The following ATG7 variants were observed in gnomAD, a reference collection of about 807,000 sequenced individuals.
ATG7 encodes the protein ubiquitin-like modifier-activating enzyme ATG7.
ATG7 carries 70 observed loss-of-function variants against 82.4 expected under a neutral mutation model. That is an observed-to-expected ratio of 0.85 (90% CI 0.70 to 1.04). The LOEUF is 1.04. Among genes scored for constraint, ATG7 ranks in the 50% least tolerant of loss-of-function variants. The pLI is 0.00. For missense variants in ATG7, 792 were observed against 864.3 expected (o/e 0.92, Z 1.05); for synonymous variants, 287 against 313.0 (o/e 0.92, Z 0.88).
In ATG7 at chr3:11,418,987, G is replaced by A. The variant is rs114614306; in HGVS notation, c.1957-7817G>A. On this transcript the variant is annotated intron_variant, in intron 19 of 20. Transcript: ENST00000693202. ...GCCCCTCCCCCCCGATCCAGTCACC[G>A]CCCACCAGGTCCCTCCCCTGACATG... Among the ~76,000 whole-genome samples the A allele has an allele frequency of 1.3e-3, 194 of 151,634 alleles. 1 individual carries two copies. In the East Asian group the frequency reaches 0.022, roughly 17 times the overall value.
At chr3:11,558,028 G>C (rs1394822456), downstream of ATG7, 1 of 156,604 alleles carries the variant, frequency 6.4e-6, no homozygotes, top group Non-Finnish European at 1.4e-5. Flanking sequence ...CAGAGTTCTG[G>C]CATAACACAT....
At chr3:11,479,730 A>G (rs985217823) in intron 20 of ATG7, among the ~76,000 whole-genome samples, 1 of 152,240 alleles carries the variant, frequency 6.6e-6, no homozygotes, top group Non-Finnish European at 1.5e-5. Flanking sequence ...AAAGGGAGAC[A>G]TGCCATTGGT....
chr3:11,572,522 CCCT>C, the ATG7 span, among the ~76,000 whole-genome samples: 118 of 152,318 alleles, frequency 7.7e-4, no homozygotes, highest in Non-Finnish European at 1.3e-3. Flanking sequence ...CTGCTCCAGG[CCCT>C]CCTCAGTCCC....
At chr3:11,396,118 G>GA (rs1553641953) in intron 19 of ATG7, among the ~76,000 whole-genome samples, 231 of 144,426 alleles carry the variant, frequency 1.6e-3, no homozygotes, top group Middle Eastern at 3.6e-3. Context: ...AGAAGTATAG[G>GA]AAAAAAAAAA....
chr3:11,451,458 G>A (rs1017052046), intron 20 of ATG7, among the ~76,000 whole-genome samples: 4 of 152,044 alleles, frequency 2.6e-5, no homozygotes, highest in Admixed American at 2.0e-4. Context: ...TGATCCACCC[G>A]ACTTGGCCTC....
At chr3:11,320,433 A>T (rs7629321) in intron 9 of ATG7, among the ~76,000 whole-genome samples, 4,013 of 152,094 alleles carry the variant, frequency 0.026, 184 homozygotes, top group African/African-American at 0.092. Flanking sequence ...GATTACAGGC[A>T]TACGCCACCA....
chr3:11,527,131 G>A lies in ATG7; in HGVS notation c.2080-27680G>A, dbSNP rs528670801. ...TATACACACATTTTTTTGAGGTGGA[G>A]TCTCACTCTGTTGTCCAGGCTGGAG... On this transcript the variant is annotated intron_variant, in intron 20 of 20. Coordinates refer to ENST00000693202, the MANE Select transcript of ATG7 (RefSeq NM_001349232.2). 1.2e-4 allele frequency among the ~76,000 whole-genome samples: 18 copies of A among 150,466 alleles called. 1 individual carries two copies. The highest frequency in any genetic ancestry group is 4.1e-4 in the African/African-American group (17 of 41,024).
chr3:11,407,838 C>T (rs1485772124), intron 19 of ATG7, among the ~76,000 whole-genome samples: 1 of 152,150 alleles, frequency 6.6e-6, no homozygotes, highest in Non-Finnish European at 1.5e-5. Context: ...GGACCCTGGG[C>T]TCAGCCCTTG....
intron 19 of ATG7, among the ~76,000 whole-genome samples, chr3:11,383,879 T>C (rs1395242405): frequency 6.6e-6 from 1 of 152,214 alleles, no homozygotes; most frequent in Non-Finnish European, 1.5e-5. Flanking sequence ...AGTTCTTTTT[T>C]TCCTAGGTAA....
chr3:11,541,011 T>C (rs1278665759), intron 20 of ATG7, among the ~76,000 whole-genome samples: 1 of 151,216 alleles, frequency 6.6e-6, no homozygotes, highest in Non-Finnish European at 1.5e-5. Context: ...GCCATTCTCC[T>C]GCCTCAGCCT....
Position 11,325,652 on chromosome 3 carries a change from CAG to C in ATG7, c.679-5687_679-5686del, listed in dbSNP as rs1037928503. Among the ~76,000 whole-genome samples the C allele has an allele frequency of 4.7e-5, 7 of 149,012 alleles. No homozygotes were observed. In the East Asian group the frequency reaches 5.9e-4, roughly 13 times the overall value. ...TGCCATTGCATTCCAGCCTGGGCAA[CAG>C]GGGCGAAACTACATCTCAAAAAAAA... On this transcript the variant is annotated intron_variant, in intron 9 of 20. Coordinates refer to ENST00000693202, the MANE Select transcript of ATG7 (RefSeq NM_001349232.2).
intron 1 of ATG7, among the ~76,000 whole-genome samples, chr3:11,275,210 G>A (rs1941448938): frequency 6.6e-6 from 1 of 152,112 alleles, no homozygotes; most frequent in South Asian, 2.1e-4. Context: ...GTGTGGAATT[G>A]AGCAGTAACA....
chr3:11,411,805 G>A (rs1409747278), intron 19 of ATG7, among the ~76,000 whole-genome samples: 1 of 151,714 alleles, frequency 6.6e-6, no homozygotes, highest in Non-Finnish European at 1.5e-5. Context: ...CCATTGTTGT[G>A]CAGCTTTTGC....
chr3:11,298,414 G>A (rs959577776), intron 3 of ATG7, among the ~76,000 whole-genome samples: 4 of 152,170 alleles, frequency 2.6e-5, no homozygotes, highest in African/African-American at 9.6e-5. Flanking sequence ...TAGAGTTCCA[G>A]TTTTGCAAGA....
chr3:11,326,067 G>T (rs1950832717), intron 9 of ATG7, among the ~76,000 whole-genome samples: 1 of 152,130 alleles, frequency 6.6e-6, no homozygotes, highest in Non-Finnish European at 1.5e-5. Flanking sequence ...GAGATGAAAG[G>T]TTCAACCCCT....
chr3:11,421,895 C>T (rs1334415006), intron 19 of ATG7, among the ~76,000 whole-genome samples: 2 of 152,180 alleles, frequency 1.3e-5, no homozygotes, highest in Non-Finnish European at 2.9e-5. Flanking sequence ...CTCCATCAGA[C>T]CTCCTGGGTG....
At chr3:11,514,076 A>C (rs529301569) in intron 20 of ATG7, among the ~76,000 whole-genome samples, 1 of 152,310 alleles carries the variant, frequency 6.6e-6, no homozygotes, top group East Asian at 1.9e-4. Flanking sequence ...GGTCTCAGCC[A>C]CTGTGTTTAG....
chr3:11,562,540 G>A (rs1015513569), downstream of ATG7, among the ~76,000 whole-genome samples: 2 of 152,226 alleles, frequency 1.3e-5, no homozygotes, highest in Non-Finnish European at 2.9e-5. Context: ...ACACCCAACA[G>A]ACTTCCAGGA....
chr3:11,484,073 C>G (rs538196102), intron 20 of ATG7, among the ~76,000 whole-genome samples: 8 of 152,136 alleles, frequency 5.3e-5, no homozygotes, highest in African/African-American at 1.9e-4. Context: ...AGTTTGCAGC[C>G]TAAGAGGAAG....
Sources: gnomAD v4.1 joint callset for allele counts (sites outside exome capture counted in the v4.1 genomes callset) on GRCh38, gnomAD v4.1.1 for gene constraint, MANE v1.5 for transcripts, NCBI Gene and HGNC (gene_info 2026-07-23, HGNC 2026-07-21) for gene names.